The following NFASC variants were observed in gnomAD, a reference collection of about 807,000 sequenced individuals.
The protein encoded by NFASC is neurofascin.
NFASC carries 43 observed loss-of-function variants against 147.5 expected under a neutral mutation model. That is an observed-to-expected ratio of 0.29 (90% CI 0.23 to 0.38). The LOEUF is 0.38. Among genes scored for constraint, NFASC ranks in the 10% least tolerant of loss-of-function variants. NFASC has a pLI of 1.00. For missense variants in NFASC, 1,320 were observed against 1,689.0 expected (o/e 0.78, Z 3.83); for synonymous variants, 622 against 665.5 (o/e 0.93, Z 1.01).
At chr1:204,965,556 C>CCCTCCT (rs2094902521) in intron 8 of NFASC, among the ~76,000 whole-genome samples, 1 of 152,172 alleles carries the variant, frequency 6.6e-6, no homozygotes, top group South Asian at 2.1e-4. Context: ...CTGCTGAATT[C>CCCTCCT]CCTCCTCAGC....
chr1:204,881,130 C>T (rs1158748086), intron 1 of NFASC, among the ~76,000 whole-genome samples: 1 of 152,210 alleles, frequency 6.6e-6, no homozygotes, highest in Admixed American at 6.5e-5. Context: ...GGTAGTGTCG[C>T]TGTGTTCCCC....
chr1:204,939,501 C>T (rs1299959718), intron 2 of NFASC, among the ~76,000 whole-genome samples: 1 of 152,190 alleles, frequency 6.6e-6, no homozygotes, highest in East Asian at 1.9e-4. Context: ...TCACTGTGGC[C>T]CCTCTTCTTC....
chr1:204,864,703 C>T (rs1200530563), intron 1 of NFASC, among the ~76,000 whole-genome samples: 1 of 152,060 alleles, frequency 6.6e-6, no homozygotes, highest in Non-Finnish European at 1.5e-5. Flanking sequence ...GTTCAAAGTT[C>T]CTTGCTGTTT....
At chr1:205,002,976 G>A (rs1003081992) in intron 27 of NFASC, among the ~76,000 whole-genome samples, 8 of 152,312 alleles carry the variant, frequency 5.3e-5, no homozygotes, top group African/African-American at 1.4e-4. Context: ...TTGTGGCCCC[G>A]TGCGGGTCAG....
At chr1:204,952,645 G>A (rs2094191664) in intron 5 of NFASC, among the ~76,000 whole-genome samples, 1 of 152,204 alleles carries the variant, frequency 6.6e-6, no homozygotes, top group African/African-American at 2.4e-5. Flanking sequence ...AGGGGAAAAG[G>A]GGTACAAAGG....
intron 1 of NFASC, among the ~76,000 whole-genome samples, chr1:204,909,592 G>A (rs1167776467): frequency 1.3e-5 from 2 of 152,102 alleles, no homozygotes; most frequent in Non-Finnish European, 2.9e-5. Flanking sequence ...TCCATAAATT[G>A]TTCCTTCTAT....
In NFASC at chr1:205,021,873, G is replaced by T. The variant is rs866156582; in HGVS notation, c.*5334G>T. On this transcript the variant is annotated 3_prime_UTR_variant, in exon 30 of 30. Transcript: ENST00000339876. The stretch of plus-strand genomic sequence containing the variant: ...GGGCAGATCTGGGCCAGTGGAATAG[G>T]ATAGCTGATTGGTGTTTGTTACTGT... 6.5e-6 allele frequency: 1 copy of T among 152,736 alleles called. No homozygotes were observed. The highest frequency in any genetic ancestry group is 2.4e-5 in the African/African-American group (1 of 41,454). The allele number at this position is 152,736 out of a possible 1,614,324, so 9.5% of individuals were successfully genotyped here.
intron 1 of NFASC, among the ~76,000 whole-genome samples, chr1:204,861,197 T>C (rs1160215168): frequency 7.0e-6 from 1 of 142,290 alleles, no homozygotes. Context: ...CAAGCAATCC[T>C]CCCACCTCAA....
At chr1:204,993,910 A>G (rs1053052986) in intron 24 of NFASC, 2 of 421,644 alleles carry the variant, frequency 4.7e-6, no homozygotes, top group Admixed American at 2.5e-5. Context: ...GGTTTTCCCC[A>G]TGGAACACTT....
chr1:204,916,135 C>G (rs2089199250), intron 1 of NFASC, among the ~76,000 whole-genome samples: 1 of 152,192 alleles, frequency 6.6e-6, no homozygotes, highest in Non-Finnish European at 1.5e-5. Flanking sequence ...AATCTAGGGA[C>G]AGCAACCAAG....
At chr1:204,855,099 G>C (rs2076037486) in intron 1 of NFASC, among the ~76,000 whole-genome samples, 1 of 152,252 alleles carries the variant, frequency 6.6e-6, no homozygotes, top group Admixed American at 6.5e-5. Context: ...GTGAGGGATA[G>C]AGCCAGGATC....
intron 27 of NFASC, among the ~76,000 whole-genome samples, chr1:205,004,200 G>A (rs1023398889): frequency 2.0e-5 from 3 of 152,218 alleles, no homozygotes; most frequent in Non-Finnish European, 2.9e-5. Flanking sequence ...TCCATCCTAG[G>A]GAAGACTGCC....
At position 204,981,856 on chromosome 1, in the gene NFASC, G is replaced by C. The variant is rs747069817; in HGVS notation, c.2306G>C (p.Arg769Pro). The change falls in exon 21 of 30, where the codon CGG becomes CCG. Residue 769 changes from arginine (R) to proline (P), a missense_variant. By Grantham distance (103) the Arg-to-Pro change is moderately radical. Transcript: ENST00000339876. ...CTGCGCTACATTGTCAAGTGGAGGCGGAGAGAGACTCGAGAGGCCTGGAAC... is the reference window on the plus strand; with the variant it reads ...CTGCGCTACATTGTCAAGTGGAGGCCGAGAGAGACTCGAGAGGCCTGGAAC... ...PNLRYIVKWR[R>P]RETREAWNNV... is the part of the protein sequence containing the mutation. 12 of 1,602,132 alleles carry C rather than the reference G, an allele frequency of 7.5e-6. No homozygotes were observed. The East Asian group carries it at 2.7e-4, about 37-fold the overall frequency.
In NFASC at chr1:204,954,995, GGGGGT is replaced by G; in HGVS notation, c.535+53_535+57del. ...GTGTTGTGTTTATATCTTAACCTTA[GGGGGT>G]GGGGTGGGTGTGTTAAGTGGGGAGG... is the stretch of plus-strand genomic sequence containing the variant. On this transcript the variant is annotated intron_variant, in intron 7 of 29. Coordinates refer to ENST00000339876, the MANE Select transcript of NFASC (RefSeq NM_001005388.3). The surrounding 1 kb of genome is among the most constrained non-coding windows in gnomAD (Gnocchi z 5.7). 6.2e-7 allele frequency: 1 copy of G among 1,607,918 alleles called. No individual in the cohort carries two copies. Among genetic ancestry groups the G allele is most frequent in the Non-Finnish European group, 8.5e-7 (1 of 1,176,026 alleles).
At chr1:204,998,573 C>T (rs1169812647) in intron 25 of NFASC, 1 of 152,168 alleles carries the variant, frequency 6.6e-6, no homozygotes, top group Non-Finnish European at 1.5e-5. Context: ...CTCCTGAGAC[C>T]CTGAAAATGC....
At chr1:204,970,003 G>A (rs541782780) in intron 10 of NFASC, among the ~76,000 whole-genome samples, 85 of 151,162 alleles carry the variant, frequency 5.6e-4, no homozygotes, top group Non-Finnish European at 9.6e-4. Context: ...TTGAACCTGG[G>A]AGGCGGAAGT....
rs1462406688 is a variant in NFASC, at chr1:204,952,048, G to A, written c.147G>A (p.Lys49=). 2 of 1,614,144 alleles carry A rather than the reference G, an allele frequency of 1.2e-6. No homozygotes were observed. Among genetic ancestry groups the A allele is most frequent in the African/African-American group, 1.3e-5 (1 of 75,032 alleles). Residue 49 remains lysine, a synonymous_variant, in exon 5 of 30, where the codon AAG becomes AAA. Coordinates refer to ENST00000339876, the MANE Select transcript of NFASC (RefSeq NM_001005388.3). ...QPPTITKQSA[K]DHIVDPRDNI... ...CAACCATCACCAAGCAGTCAGCGAA[G>A]GATCACATCGTGGACCCCCGTGATA...
intron 29 of NFASC, 47 bp downstream of exon 29, chr1:205,012,913 C>T (rs1369948941): frequency 1.5e-6 from 2 of 1,321,526 alleles, no homozygotes; most frequent in Middle Eastern, 1.8e-4. Context: ...TCCTCCCTGT[C>T]CCTGAGGCAC....
At chr1:205,009,046 G>A (rs1435633731) in intron 27 of NFASC, 2 of 208,838 alleles carry the variant, frequency 9.6e-6, no homozygotes, top group Non-Finnish European at 2.0e-5. Flanking sequence ...ATGCTGGTGG[G>A]CAGGGATGCT....
Sources: allele counts gnomAD v4.1 joint callset (sites outside exome capture counted in the v4.1 genomes callset), GRCh38; gene constraint gnomAD v4.1.1; non-coding constraint Gnocchi (gnomAD v3.1); transcripts MANE v1.5; gene names NCBI Gene and HGNC (gene_info 2026-07-23, HGNC 2026-07-21).